CSMD2: variants seen among roughly 807,000 people sequenced by gnomAD.
CSMD2 encodes CUB and sushi domain-containing protein 2.
A neutral mutation model predicts 398.5 loss-of-function variants in CSMD2; 130 were observed. The observed-to-expected ratio is 0.33, with a 90% CI of 0.28 to 0.38. CSMD2 has a LOEUF of 0.38. Ranked by LOEUF, CSMD2 falls within the 10% of genes least tolerant of loss-of-function variation. The pLI is 1.00. For missense variants in CSMD2, 3,829 were observed against 4,764.9 expected, an observed-to-expected ratio of 0.80 and a Z score of 5.78; for synonymous variants, 1,828 against 1,908.5, an observed-to-expected ratio of 0.96 and a Z score of 1.10.
rs1558085851 is a variant in CSMD2 at position 33,908,105 on chromosome 1, A to AAAG, written c.920+9986_920+9988dup. Among the ~76,000 whole-genome samples, 54 of 148,574 alleles carry AAAG rather than the reference A, an allele frequency of 3.6e-4. 5 individuals carry two copies. Among genetic ancestry groups the AAAG allele is most frequent in the Non-Finnish European group, 4.6e-4 (31 of 67,288 alleles). On this transcript the variant is annotated intron_variant, in intron 5 of 70. Coordinates refer to ENST00000373381, the MANE Select transcript of CSMD2 (RefSeq NM_001281956.2). Reference sequence around the variant, plus strand: ...CATCTCAAAAAAAAAAAAAAAAAAAAAAGAAAAGTAAAAAAGAAAAAAGTA... The same window carrying AAAG: ...CATCTCAAAAAAAAAAAAAAAAAAAAAAGAAGAAAAGTAAAAAAGAAAAAAGTA...
chr1:34,149,526 TA>T (rs1300733008), intron 1 of CSMD2, among the ~76,000 whole-genome samples: 2 of 152,198 alleles, frequency 1.3e-5, no homozygotes, highest in Non-Finnish European at 2.9e-5. Flanking sequence ...AAGTTGAGGA[TA>T]AGACTCCCCT....
At chr1:33,607,764 G>A (rs758910036) in intron 41 of CSMD2, among the ~76,000 whole-genome samples, 39 of 152,248 alleles carry the variant, frequency 2.6e-4, no homozygotes, top group Non-Finnish European at 5.0e-4. Flanking sequence ...CGCTGAGGGA[G>A]TGGCTGTGCC....
At chr1:33,811,347 T>C (rs1460018340) in intron 9 of CSMD2, among the ~76,000 whole-genome samples, 2 of 152,238 alleles carry the variant, frequency 1.3e-5, no homozygotes, top group Non-Finnish European at 2.9e-5. Flanking sequence ...ACTAGGAGTC[T>C]GACCTCATTC....
Position 33,724,206 on chromosome 1 carries a change from G to T in CSMD2, c.2992C>A (p.His998Asn), listed in dbSNP as rs763824908. 1 of 1,610,246 alleles carries T rather than the reference G, an allele frequency of 6.2e-7. No homozygotes were observed. The highest frequency in any genetic ancestry group is 1.7e-5 in the Admixed American group (1 of 60,014). ...GGGCTGAAACACTCACCCTTGCCAT[G>T]AGATGTTTCGATAATCCAGGTGCAG... ...LNCTWIIETS[H>N]GKGVFFTFHT... The change falls in exon 19 of 71, where the codon CAT becomes AAT. Residue 998 changes from histidine (H) to asparagine (N), a missense_variant. Physicochemically the swap from His to Asn is moderately conservative, Grantham distance 68. Transcript: ENST00000373381.
In CSMD2 at chr1:33,619,677, T is replaced by G. The variant is rs114277667; in HGVS notation, c.5828-2060A>C. On this transcript the variant is annotated intron_variant, in intron 37 of 70. Transcript: ENST00000373381. ...CAAAACCACAGAACGTTGCTATCAC[T>G]CTGGAAATTCCTCACACTTTTCCCA... is the stretch of plus-strand genomic sequence containing the variant. 8.6e-3 allele frequency among the ~76,000 whole-genome samples: 1,314 copies of G among 152,280 alleles called. 21 individuals are homozygous for G. Among genetic ancestry groups the G allele is most frequent in the African/African-American group, 0.03 (1,265 of 41,550 alleles).
intron 66 of CSMD2, 61 bp from the exon 67 acceptor site, chr1:33,523,480 T>G: frequency 1.4e-6 from 1 of 727,840 alleles, no homozygotes; most frequent in Non-Finnish European, 2.4e-6. Flanking sequence ...AAACTCAAAT[T>G]TGTGGGTTTG....
At chr1:33,555,759 G>A (rs918731660) in intron 55 of CSMD2, among the ~76,000 whole-genome samples, 3 of 152,138 alleles carry the variant, frequency 2.0e-5, no homozygotes, top group Admixed American at 6.6e-5. Flanking sequence ...TAATTAAGGT[G>A]TGCATATTTT....
chr1:33,931,342 T>A (rs10489915), intron 4 of CSMD2, among the ~76,000 whole-genome samples: 26,169 of 152,204 alleles, frequency 0.17, 2,584 homozygotes, highest in African/African-American at 0.27. Flanking sequence ...GTACCCTTTG[T>A]TCCTGTTTAG....
At chr1:34,048,339 AC>A (rs1159389460) in intron 2 of CSMD2, among the ~76,000 whole-genome samples, 1 of 152,160 alleles carries the variant, frequency 6.6e-6, no homozygotes, top group Non-Finnish European at 1.5e-5. Context: ...TAAAGTTTGG[AC>A]CACCCCAGGA....
chr1:33,887,283 A>C (rs987158302), intron 5 of CSMD2, among the ~76,000 whole-genome samples: 4 of 151,992 alleles, frequency 2.6e-5, no homozygotes, highest in African/African-American at 7.2e-5. Flanking sequence ...TGTTCCTTGC[A>C]GCAATATTTA....
intron 2 of CSMD2, among the ~76,000 whole-genome samples, chr1:34,037,595 G>A (rs756184764): frequency 1.3e-5 from 2 of 152,178 alleles, no homozygotes; most frequent in Non-Finnish European, 2.9e-5. Context: ...CCAATTCACA[G>A]CAGCTGCAAC....
chr1:33,595,937 T>C (rs1263421747), intron 44 of CSMD2, among the ~76,000 whole-genome samples: 1 of 152,224 alleles, frequency 6.6e-6, no homozygotes, highest in African/African-American at 2.4e-5. Flanking sequence ...CAAACACACA[T>C]GTACTCAAAC....
intron 22 of CSMD2, among the ~76,000 whole-genome samples, chr1:33,704,929 A>ATTT (rs61275822): frequency 7.1e-6 from 1 of 140,498 alleles, no homozygotes; most frequent in Non-Finnish European, 1.6e-5. Flanking sequence ...CGTCCCGCTA[A>ATTT]TTTTTTTTTT....
chr1:33,851,932 T>C (rs1025152663), intron 5 of CSMD2, among the ~76,000 whole-genome samples: 1 of 152,206 alleles, frequency 6.6e-6, no homozygotes, highest in Non-Finnish European at 1.5e-5. Flanking sequence ...CTTTTTTTTT[T>C]ACCAGCAGTG....
intron 5 of CSMD2, 120 bp from the exon 6 acceptor site, chr1:33,847,116 G>A (rs1570248651): frequency 3.2e-6 from 2 of 618,556 alleles, no homozygotes; most frequent in Non-Finnish European, 5.5e-6. Flanking sequence ...TCTGGAGCAG[G>A]AAGGGAAGGC....
intron 3 of CSMD2, among the ~76,000 whole-genome samples, chr1:33,950,988 G>A (rs929919448): frequency 6.6e-6 from 1 of 152,168 alleles, no homozygotes; most frequent in African/African-American, 2.4e-5. Flanking sequence ...CATTGAGTCG[G>A]GCATCATCCA....
intron 56 of CSMD2, among the ~76,000 whole-genome samples, chr1:33,547,793 G>A (rs12083828): frequency 0.1 from 15,845 of 152,292 alleles, 902 homozygotes; most frequent in African/African-American, 0.16. Context: ...AATCTTGATG[G>A]TGAGCAGCTC....
At chr1:33,623,715 T>TG (rs1641918721) in intron 35 of CSMD2, among the ~76,000 whole-genome samples, 3 of 152,210 alleles carry the variant, frequency 2.0e-5, no homozygotes, top group Non-Finnish European at 4.4e-5. Context: ...AGGCAGAGAA[T>TG]GGGGAAAAGA....
chr1:33,619,701 C>T (rs1028137245), intron 37 of CSMD2, among the ~76,000 whole-genome samples: 2 of 152,144 alleles, frequency 1.3e-5, no homozygotes, highest in Admixed American at 6.5e-5. Context: ...ACACTTTTCC[C>T]AGGCAATTCC....
Sources: gnomAD v4.1 joint callset for allele counts (sites outside exome capture counted in the v4.1 genomes callset) on GRCh38, gnomAD v4.1.1 for gene constraint, MANE v1.5 for transcripts, NCBI Gene and HGNC (gene_info 2026-07-23, HGNC 2026-07-21) for gene names.